ESRRG: variants seen among roughly 807,000 people sequenced by gnomAD.
The protein encoded by ESRRG is estrogen related receptor gamma, also known as estrogen-related receptor gamma.
A neutral mutation model predicts 44.0 loss-of-function variants in ESRRG; 13 were observed. The ratio of observed to expected loss-of-function variants is 0.30; its 90% CI spans 0.19 to 0.47. The LOEUF is 0.47. ESRRG is among the 20% of genes least tolerant of loss of function. The probability of loss-of-function intolerance (pLI) is 1.00; values close to 1 mark genes in which losing one functional copy is unlikely to be tolerated. For missense variants in ESRRG, 395 were observed against 580.6 expected, an observed-to-expected ratio of 0.68 and a Z score of 3.29; for synonymous variants, 215 against 214.6, an observed-to-expected ratio of 1.00 and a Z score of -0.02.
chr1:216,680,731 G>A (rs1393197400), intron 1 of ESRRG, among the ~76,000 whole-genome samples: 1 of 152,144 alleles, frequency 6.6e-6, no homozygotes, highest in Non-Finnish European at 1.5e-5. Context: ...ACTACAGCGA[G>A]TCTTAATTCT....
At chr1:216,832,531 T>C (rs2095502702) in intron 2 of ESRRG, among the ~76,000 whole-genome samples, 1 of 152,142 alleles carries the variant, frequency 6.6e-6, no homozygotes, top group Non-Finnish European at 1.5e-5. Context: ...ATTCAACAAC[T>C]CTGAACGAAA....
chr1:217,046,670 G>A lies in ESRRG; in HGVS notation c.-106+42837C>T, dbSNP rs183871722. On this transcript the variant is annotated intron_variant, in intron 1 of 7. Coordinates refer to the ESRRG transcript ENST00000359162. ...AGGCCAGTGCAGGAGGATCTCTTGA[G>A]TCCAGGAGTTCGAGACCAGCCTGGG... is the stretch of plus-strand genomic sequence containing the variant. Among the ~76,000 whole-genome samples the A allele has an allele frequency of 3.9e-5, 6 of 152,258 alleles. 1 individual carries two copies. In the East Asian group the frequency reaches 9.7e-4, roughly 25 times the overall value.
chr1:216,910,736 A>G (rs10158424), intron 2 of ESRRG, among the ~76,000 whole-genome samples: 78,376 of 151,982 alleles, frequency 0.52, 20,650 homozygotes, highest in East Asian at 0.69. Context: ...TGGAGACTCT[A>G]TTGGTGGGGC....
intron 2 of ESRRG, among the ~76,000 whole-genome samples, chr1:216,822,547 C>T (rs919664746): frequency 6.6e-6 from 1 of 152,026 alleles, no homozygotes; most frequent in African/African-American, 2.4e-5. Context: ...CCCAGTCCTC[C>T]TCTCCAAGGC....
chr1:216,798,245 A>G (rs1171767413), intron 2 of ESRRG, among the ~76,000 whole-genome samples: 1 of 152,164 alleles, frequency 6.6e-6, no homozygotes, highest in Non-Finnish European at 1.5e-5. Context: ...AGCCAAACAG[A>G]CACAGTCCCT....
chr1:216,940,059 C>T (rs2064965336), intron 1 of ESRRG, among the ~76,000 whole-genome samples: 1 of 151,988 alleles, frequency 6.6e-6, no homozygotes, highest in African/African-American at 2.4e-5. Context: ...CTTCCAAGAC[C>T]AAGGGACTTT....
At chr1:216,889,191 AG>A (rs568662510) in intron 2 of ESRRG, among the ~76,000 whole-genome samples, 3 of 152,102 alleles carry the variant, frequency 2.0e-5, no homozygotes, top group Non-Finnish European at 1.5e-5. Context: ...GTTTGGTGGG[AG>A]GGGGTCAAAA....
At chr1:216,664,956 C>G (rs796232687) in intron 2 of ESRRG, among the ~76,000 whole-genome samples, 4 of 151,986 alleles carry the variant, frequency 2.6e-5, no homozygotes, top group African/African-American at 9.7e-5. Flanking sequence ...TTACAATAGC[C>G]AAGAGATGGA....
intron 1 of ESRRG, among the ~76,000 whole-genome samples, chr1:217,073,616 T>A (rs1412105545): frequency 1.3e-5 from 2 of 152,270 alleles, no homozygotes; most frequent in Non-Finnish European, 2.9e-5. Flanking sequence ...ATCAAAAGAC[T>A]GTGGGTCTCC....
chr1:217,113,116 G>A (rs2092678171), intron 1 of ESRRG, among the ~76,000 whole-genome samples: 1 of 152,220 alleles, frequency 6.6e-6, no homozygotes, highest in Non-Finnish European at 1.5e-5. Context: ...AAAGAGGGCA[G>A]ACTGTTTCCT....
intron 1 of ESRRG, among the ~76,000 whole-genome samples, chr1:217,026,910 C>CAGAGAGAGAGAGAGAGAG (rs1414926581): frequency 9.3e-5 from 9 of 97,252 alleles, no homozygotes; most frequent in African/African-American, 3.2e-4. Context: ...CACACACACA[C>CAGAGAGAGAGAGAGAGAG]ACAGAGAGAG....
chr1:216,869,473 A>G (rs1423466123), intron 2 of ESRRG, among the ~76,000 whole-genome samples: 1 of 152,150 alleles, frequency 6.6e-6, no homozygotes, highest in Non-Finnish European at 1.5e-5. Flanking sequence ...TCTTAAAATC[A>G]GAAAGTATGA....
chr1:216,531,618 C>T (rs115810772), intron 5 of ESRRG, among the ~76,000 whole-genome samples: 2 of 152,092 alleles, frequency 1.3e-5, no homozygotes, highest in Admixed American at 6.6e-5. Flanking sequence ...AATTCCTCAA[C>T]CATATGAATG....
intron 1 of ESRRG, among the ~76,000 whole-genome samples, chr1:216,716,073 A>C (rs1011162249): frequency 6.6e-6 from 1 of 152,046 alleles, no homozygotes; most frequent in African/African-American, 2.4e-5. Flanking sequence ...AACATATGCA[A>C]AGTGCAACAA....
At chr1:216,958,591 CT>C (rs2068419206) in intron 1 of ESRRG, among the ~76,000 whole-genome samples, 1 of 152,154 alleles carries the variant, frequency 6.6e-6, no homozygotes, top group African/African-American at 2.4e-5. Context: ...TTGTTCAAGT[CT>C]TTTGCCCATT....
chr1:216,879,745 G>A (rs1188969171), intron 2 of ESRRG, among the ~76,000 whole-genome samples: 2 of 152,102 alleles, frequency 1.3e-5, no homozygotes, highest in Non-Finnish European at 2.9e-5. Flanking sequence ...TCCCTCTAGA[G>A]TAGGAGAATT....
chr1:216,966,211 A>C (rs2070329681), intron 1 of ESRRG, among the ~76,000 whole-genome samples: 1 of 152,222 alleles, frequency 6.6e-6, no homozygotes, highest in Non-Finnish European at 1.5e-5. Context: ...ATCTTTCATC[A>C]GAATGATCTG....
At chr1:217,010,277 G>GGGTC (rs1276589613) in intron 1 of ESRRG, among the ~76,000 whole-genome samples, 1 of 152,148 alleles carries the variant, frequency 6.6e-6, no homozygotes, top group African/African-American at 2.4e-5. Flanking sequence ...TTTGGCAAAA[G>GGGTC]AGAGCCAATT....
At chr1:216,536,896 A>T (rs1374777059) in intron 5 of ESRRG, among the ~76,000 whole-genome samples, 2 of 152,040 alleles carry the variant, frequency 1.3e-5, no homozygotes. Flanking sequence ...ATAGAGAAAC[A>T]TGAATACAAA....
Sources: allele counts gnomAD v4.1 joint callset (sites outside exome capture counted in the v4.1 genomes callset), GRCh38; gene constraint gnomAD v4.1.1; transcripts MANE v1.5; gene names NCBI Gene and HGNC (gene_info 2026-07-23, HGNC 2026-07-21).